LIPA: variants seen among roughly 807,000 people sequenced by gnomAD.
LIPA encodes the protein lipase A, lysosomal acid type.
A neutral mutation model predicts 40.6 loss-of-function variants in LIPA; 26 were observed. The observed-to-expected ratio is 0.64, with a 90% CI of 0.47 to 0.89. The LOEUF is 0.89. Among genes scored for constraint, LIPA ranks in the 40% least tolerant of loss-of-function variants. The probability of loss-of-function intolerance (pLI) is 0.00; values close to 1 mark genes in which losing one functional copy is unlikely to be tolerated. For synonymous variants in LIPA, 188 were observed against 168.4 expected (o/e 1.12, Z -0.90); for missense variants, 455 against 479.6 (o/e 0.95, Z 0.48).
At chr10:89,383,726 G>C in intron 2 of LIPA, 1 of 1,614,230 alleles carries the variant, frequency 6.2e-7, no homozygotes, top group Non-Finnish European at 8.5e-7. Context: ...AGAATGGAGT[G>C]TCCAGAGGTG....
chr10:89,342,669 C>G (rs1843883386), exon 1 of LIPA: 1 of 152,200 alleles, frequency 6.6e-6, no homozygotes, highest in South Asian at 2.1e-4. Context: ...CATCTTTGTA[C>G]AGCTCAGTTT....
chr10:89,385,663 G>C (rs553347265), intron 2 of LIPA, among the ~76,000 whole-genome samples: 2 of 152,302 alleles, frequency 1.3e-5, no homozygotes, highest in African/African-American at 4.8e-5. Context: ...TCTAGCTGGA[G>C]TTCTATTTCC....
Position 89,390,824 on chromosome 10 carries a change from T to C in LIPA, c.61+21967A>G, listed in dbSNP as rs959660872. ...ATATCTCTGCATGCTATCTAGTGCA[T>C]TGGCAAATTGAAAACCCATTTTTTC... On this transcript the variant is annotated intron_variant, in intron 2 of 8. Transcript: ENST00000371837. Among the ~76,000 whole-genome samples the C allele has an allele frequency of 3.3e-5, 5 of 152,352 alleles. No homozygotes were observed. The East Asian group carries it at 5.8e-4, about 18-fold the overall frequency.
chr10:89,355,968 AT>A (rs1468370808), intron 2 of LIPA, among the ~76,000 whole-genome samples: 1 of 152,198 alleles, frequency 6.6e-6, no homozygotes, highest in African/African-American at 2.4e-5. Flanking sequence ...GTAGCATATA[AT>A]CAAGAAATAA....
intron 1 of LIPA, among the ~76,000 whole-genome samples, chr10:89,268,896 G>A (rs1843251182): frequency 6.6e-6 from 1 of 151,336 alleles, no homozygotes; most frequent in South Asian, 2.1e-4. Context: ...TGAGGCAGGA[G>A]AATGGTGTGA....
At chr10:89,233,990 C>T (rs114494355) in intron 3 of LIPA, among the ~76,000 whole-genome samples, 1 of 152,162 alleles carries the variant, frequency 6.6e-6, no homozygotes, top group Non-Finnish European at 1.5e-5. Context: ...GCTCCATCCT[C>T]GAGGGAGTCA....
chr10:89,324,619 T>A (rs1350372931), intron 1 of LIPA, among the ~76,000 whole-genome samples: 1 of 152,154 alleles, frequency 6.6e-6, no homozygotes, highest in African/African-American at 2.4e-5. Flanking sequence ...AAACTATGCA[T>A]AACCAAAGGT....
chr10:89,338,829 C>T (rs1362217526), intron 1 of LIPA: 1 of 1,614,020 alleles, frequency 6.2e-7, no homozygotes, highest in Admixed American at 1.7e-5. Flanking sequence ...ACTTGTTGGC[C>T]TACATAAAAC....
chr10:89,279,438 G>C (rs917459111), intron 1 of LIPA, among the ~76,000 whole-genome samples: 1 of 152,152 alleles, frequency 6.6e-6, no homozygotes, highest in African/African-American at 2.4e-5. Context: ...AAGCATTCAG[G>C]GATTTGCTTT....
chr10:89,382,839 C>G (rs544512826), intron 2 of LIPA, among the ~76,000 whole-genome samples: 120 of 152,326 alleles, frequency 7.9e-4, no homozygotes, highest in African/African-American at 2.9e-3. Flanking sequence ...ATATTTGGCT[C>G]TCATATTTTA....
intron 7 of LIPA, 52 bp downstream of exon 7, chr10:89,223,632 A>G: frequency 7.2e-7 from 1 of 1,396,380 alleles, no homozygotes; most frequent in Non-Finnish European, 1.0e-6. Flanking sequence ...AACACAAATA[A>G]GCACATTCAC....
At chr10:89,403,058 C>T (rs756559489) in intron 2 of LIPA, 5 of 1,614,170 alleles carry the variant, frequency 3.1e-6, no homozygotes, top group Non-Finnish European at 4.2e-6. Flanking sequence ...CCAAGTTTTA[C>T]CGAAGAAAAG....
chr10:89,269,736 C>T (rs1843255782), intron 1 of LIPA, among the ~76,000 whole-genome samples: 1 of 152,186 alleles, frequency 6.6e-6, no homozygotes, highest in Admixed American at 6.5e-5. Context: ...GGTTAATGTC[C>T]TATAACTGAC....
chr10:89,317,654 T>A (rs901849554), intron 1 of LIPA, among the ~76,000 whole-genome samples: 1 of 152,212 alleles, frequency 6.6e-6, no homozygotes, highest in Admixed American at 6.5e-5. Flanking sequence ...CAGGATATTA[T>A]GCAGGAGAAC....
At chr10:89,222,081 G>T (rs1269452154) in intron 8 of LIPA, among the ~76,000 whole-genome samples, 1 of 152,168 alleles carries the variant, frequency 6.6e-6, no homozygotes, top group Non-Finnish European at 1.5e-5. Flanking sequence ...GTGATCAGGG[G>T]TTAGTGTTGA....
Position 89,214,980 on chromosome 10 carries a change from C to T in LIPA, c.1048G>A (p.Val350Ile), listed in dbSNP as rs1243515860. The change falls in exon 10 of 10, where the codon GTC becomes ATC. Residue 350 changes from valine to isoleucine, a missense_variant. Val to Ile is a conservative substitution (Grantham distance 29). Transcript: ENST00000336233. ...GTCAGTAAGATATTGACGTCGTAGA[C>T]ATCTGCAAGCCAGTCGTGACCCCCG... Reference protein sequence around the residue: ...WSGGHDWLADVYDVNILLTQI... With the variant: ...WSGGHDWLADIYDVNILLTQI... 1.9e-6 allele frequency: 3 copies of T among 1,614,176 alleles called. No homozygotes were observed. The highest frequency in any genetic ancestry group is 2.2e-5 in the South Asian group (2 of 91,088).
chr10:89,353,675 A>G (rs1023736736), intron 2 of LIPA, among the ~76,000 whole-genome samples: 1 of 152,152 alleles, frequency 6.6e-6, no homozygotes, highest in African/African-American at 2.4e-5. Flanking sequence ...GCCCTCTTTC[A>G]AGGTCAAGAA....
chr10:89,349,620 GA>G (rs1379843617), intron 2 of LIPA, among the ~76,000 whole-genome samples: 1 of 152,154 alleles, frequency 6.6e-6, no homozygotes, highest in Non-Finnish European at 1.5e-5. Context: ...TGGGAAAGTT[GA>G]AAAGAGCAAG....
chr10:89,369,762 C>A (rs1188995531), intron 2 of LIPA, among the ~76,000 whole-genome samples: 1 of 152,186 alleles, frequency 6.6e-6, no homozygotes, highest in Non-Finnish European at 1.5e-5. Context: ...GATACTAGCA[C>A]ACAGATCTTT....
Sources: allele counts gnomAD v4.1 joint callset (sites outside exome capture counted in the v4.1 genomes callset), GRCh38; gene constraint gnomAD v4.1.1; transcripts MANE v1.5; gene names NCBI Gene and HGNC (gene_info 2026-07-23, HGNC 2026-07-21).